Variants in GRIN2A observed in about 807,000 individuals in gnomAD.
GRIN2A encodes glutamate ionotropic receptor NMDA type subunit 2A.
A neutral mutation model predicts 113.4 loss-of-function variants in GRIN2A; 22 were observed. The observed-to-expected ratio is 0.19, with a 90% CI of 0.14 to 0.28. The LOEUF (loss-of-function observed/expected upper bound fraction) is 0.28. Among genes scored for constraint, GRIN2A ranks in the 10% least tolerant of loss-of-function variants. The pLI, the probability that GRIN2A is intolerant of heterozygous loss-of-function variation, is 1.00. For missense variants in GRIN2A, 1,502 were observed against 1,887.0 expected (o/e 0.80, Z 3.78); for synonymous variants, 827 against 738.4 (o/e 1.12, Z -1.94).
At chr16:9,924,608 T>A (rs1359870648) in intron 3 of GRIN2A, among the ~76,000 whole-genome samples, 2 of 152,210 alleles carry the variant, frequency 1.3e-5, no homozygotes, top group Non-Finnish European at 2.9e-5. Context: ...AATTTGAAAA[T>A]TTTTCATTCC....
At chr16:10,085,160 T>C (rs2048062159) in intron 2 of GRIN2A, among the ~76,000 whole-genome samples, 3 of 152,074 alleles carry the variant, frequency 2.0e-5, no homozygotes, top group Admixed American at 2.0e-4. Context: ...AAACACGAGG[T>C]TCATGCATCT....
intron 3 of GRIN2A, among the ~76,000 whole-genome samples, chr16:9,932,966 T>C (rs967691690): frequency 6.6e-6 from 1 of 152,154 alleles, no homozygotes; most frequent in Non-Finnish European, 1.5e-5. Context: ...ATTCTTGTGA[T>C]GGAACCGGAC....
At chr16:9,937,047 C>T (rs1042409305) in intron 3 of GRIN2A, among the ~76,000 whole-genome samples, 7 of 152,030 alleles carry the variant, frequency 4.6e-5, no homozygotes, top group African/African-American at 1.7e-4. Flanking sequence ...AAGATTATCA[C>T]AGCTGTTTAG....
Position 10,037,894 on chromosome 16 carries a change from C to CA in GRIN2A, c.415-99344dup, listed in dbSNP as rs527555467. ...TCAGCCTCCCAAATTGTTGAGATTA[C>CA]AGGCATGAATCATTGTGCCTGGCTC... is the stretch of plus-strand genomic sequence containing the variant. On this transcript the variant is annotated intron_variant, in intron 2 of 12. Coordinates refer to ENST00000330684, the MANE Select transcript of GRIN2A (RefSeq NM_001134407.3). 2.1e-4 allele frequency among the ~76,000 whole-genome samples: 32 copies of CA among 152,234 alleles called. No individual in the cohort carries two copies. In the East Asian group the frequency reaches 3.7e-3, roughly 17 times the overall value.
chr16:10,123,092 G>GT (rs1246272458), intron 2 of GRIN2A, among the ~76,000 whole-genome samples: 1 of 152,058 alleles, frequency 6.6e-6, no homozygotes, highest in Non-Finnish European at 1.5e-5. Flanking sequence ...GAAAATCAAA[G>GT]TTTTTTCCCA....
At chr16:10,036,510 G>C (rs766260812) in intron 2 of GRIN2A, among the ~76,000 whole-genome samples, 1 of 130,338 alleles carries the variant, frequency 7.7e-6, no homozygotes, top group African/African-American at 2.9e-5. Flanking sequence ...CCAGGCTGGA[G>C]TGCAGTGGCG....
chr16:10,025,931 G>C (rs923523929), intron 2 of GRIN2A, among the ~76,000 whole-genome samples: 1 of 152,202 alleles, frequency 6.6e-6, no homozygotes, highest in African/African-American at 2.4e-5. Context: ...TGGGAGGCAA[G>C]TGGCTTGAGG....
At chr16:10,064,291 A>G (rs8050786) in intron 2 of GRIN2A, among the ~76,000 whole-genome samples, 150,877 of 152,248 alleles carry the variant, frequency 0.99, 74,774 homozygotes, top group Middle Eastern at 1. Context: ...GAATGCTGGT[A>G]AATGCGTCCC....
At chr16:9,884,419 C>T (rs898796118) in intron 4 of GRIN2A, among the ~76,000 whole-genome samples, 34 of 152,054 alleles carry the variant, frequency 2.2e-4, no homozygotes, top group South Asian at 2.1e-4. Context: ...AGTGGCTGCA[C>T]GTGTCTGTAA....
chr16:9,842,025 G>T, intron 5 of GRIN2A, among the ~76,000 whole-genome samples: 1 of 152,140 alleles, frequency 6.6e-6, no homozygotes, highest in East Asian at 1.9e-4. Context: ...GCTGTGGCGG[G>T]TGAACACCTG....
chr16:9,958,734 T>G (rs970943414), intron 2 of GRIN2A, among the ~76,000 whole-genome samples: 3 of 151,968 alleles, frequency 2.0e-5, no homozygotes, highest in African/African-American at 7.3e-5. Flanking sequence ...AGGGCAGAAA[T>G]TAGAACCTGA....
Position 9,858,351 on chromosome 16 carries a change from C to G in GRIN2A, c.1123-8390G>C, listed in dbSNP as rs144863538. Among the ~76,000 whole-genome samples the G allele has an allele frequency of 2.2e-3, 340 of 152,144 alleles. 1 individual carries two copies. Among genetic ancestry groups the G allele is most frequent in the African/African-American group, 7.9e-3 (326 of 41,494 alleles). ...TTTTAATTCTAATAAACTCCCTATA[C>G]GGAAGAGGAAGTTAGGGAAATACTT... On this transcript the variant is annotated intron_variant, in intron 4 of 12. Coordinates refer to ENST00000330684, the MANE Select transcript of GRIN2A (RefSeq NM_001134407.3).
chr16:9,968,262 TTGTATGTATGTATGTATGTA>T (rs71157795), intron 2 of GRIN2A, among the ~76,000 whole-genome samples: 47,053 of 150,140 alleles, frequency 0.31, 7,750 homozygotes, highest in African/African-American at 0.36. Context: ...CTCTATTGAC[TTGTATGTATGTATGTATGTA>T]TGTATGTATG....
At chr16:10,134,118 A>C (rs1209703227) in intron 2 of GRIN2A, among the ~76,000 whole-genome samples, 2 of 150,912 alleles carry the variant, frequency 1.3e-5, no homozygotes, top group Non-Finnish European at 3.0e-5. Context: ...ATCACTTGAG[A>C]CCAGGAAGTC....
intron 7 of GRIN2A, among the ~76,000 whole-genome samples, chr16:9,836,637 A>G (rs1439838969): frequency 6.6e-6 from 1 of 152,214 alleles, no homozygotes; most frequent in Non-Finnish European, 1.5e-5. Context: ...ACTCTGCTGC[A>G]GTAGTCTTGT....
At chr16:9,848,325 C>T (rs1376396125) in intron 5 of GRIN2A, among the ~76,000 whole-genome samples, 2 of 150,810 alleles carry the variant, frequency 1.3e-5, no homozygotes, top group Non-Finnish European at 3.0e-5. Flanking sequence ...AAGTGATTCT[C>T]ATGCTTCAGC....
Position 9,895,393 on chromosome 16 carries a change from A to G in GRIN2A, c.1008-4293T>C, listed in dbSNP as rs114022817. On this transcript the variant is annotated intron_variant, in intron 3 of 12. Coordinates refer to ENST00000330684, the MANE Select transcript of GRIN2A (RefSeq NM_001134407.3). ...TTCAATGAGCTGCCGTCAGTTCACAATAAGTTGGGGGCAAGTGGGAAAGTA... is the reference window on the plus strand; with the variant it reads ...TTCAATGAGCTGCCGTCAGTTCACAGTAAGTTGGGGGCAAGTGGGAAAGTA... 3.8e-3 allele frequency among the ~76,000 whole-genome samples: 580 copies of G among 152,326 alleles called. 6 individuals are homozygous for G. Among genetic ancestry groups the G allele is most frequent in the African/African-American group, 0.013 (539 of 41,574 alleles).
At chr16:9,807,443 C>G (rs866382804) in intron 10 of GRIN2A, among the ~76,000 whole-genome samples, 9 of 119,110 alleles carry the variant, frequency 7.6e-5, no homozygotes, top group Admixed American at 2.5e-4. Flanking sequence ...GAGACAGAGA[C>G]AGAGAGAGAG....
intron 2 of GRIN2A, among the ~76,000 whole-genome samples, chr16:10,033,004 T>G (rs938789586): frequency 6.6e-6 from 1 of 152,164 alleles, no homozygotes; most frequent in Non-Finnish European, 1.5e-5. Flanking sequence ...ACCAGGCTCC[T>G]AGGATACCAC....
Sources: gnomAD v4.1 joint callset for allele counts (sites outside exome capture counted in the v4.1 genomes callset) on GRCh38, gnomAD v4.1.1 for gene constraint, MANE v1.5 for transcripts, NCBI Gene and HGNC (gene_info 2026-07-23, HGNC 2026-07-21) for gene names.